GRM7: variants seen among roughly 807,000 people sequenced by gnomAD.
GRM7 encodes metabotropic glutamate receptor 7.
In GRM7, 35 loss-of-function variants were observed where a neutral mutation model predicts 84.5. That is an observed-to-expected ratio of 0.41 (90% CI 0.32 to 0.55). The LOEUF is 0.55. GRM7 is among the 20% of genes least tolerant of loss of function. The pLI, the probability that GRM7 is intolerant of heterozygous loss-of-function variation, is 0.19. For synonymous variants in GRM7, 487 were observed against 455.1 expected, an observed-to-expected ratio of 1.07 and a Z score of -0.89; for missense variants, 1,003 against 1,194.6, an observed-to-expected ratio of 0.84 and a Z score of 2.36.
intron 7 of GRM7, among the ~76,000 whole-genome samples, chr3:7,466,581 C>T (rs1698468457): frequency 1.3e-5 from 2 of 152,154 alleles, no homozygotes; most frequent in Non-Finnish European, 2.9e-5. Flanking sequence ...TTAGGAAGTT[C>T]AGAAATGTTA....
At chr3:7,298,583 G>A in intron 2 of GRM7, 101 bp from the exon 3 acceptor site, 3 of 927,312 alleles carry the variant, frequency 3.2e-6, no homozygotes, top group Non-Finnish European at 5.1e-6. Context: ...AGGAAGTATT[G>A]CATATCCGGG....
intron 1 of GRM7, among the ~76,000 whole-genome samples, chr3:6,866,689 C>A (rs1694948399): frequency 6.6e-6 from 1 of 152,150 alleles, no homozygotes; most frequent in African/African-American, 2.4e-5. Context: ...CAAGCTATAG[C>A]TTTCGTATCT....
intron 1 of GRM7, among the ~76,000 whole-genome samples, chr3:7,105,886 A>G (rs967220459): frequency 1.3e-5 from 2 of 151,928 alleles, no homozygotes; most frequent in African/African-American, 4.8e-5. Context: ...ATGTAGAAAA[A>G]TAATTTAAAT....
At chr3:7,057,206 T>G (rs1299801837) in intron 1 of GRM7, among the ~76,000 whole-genome samples, 2 of 151,978 alleles carry the variant, frequency 1.3e-5, no homozygotes, top group African/African-American at 2.4e-5. Flanking sequence ...GGCTTGTTTC[T>G]GTGCAAATAA....
intron 1 of GRM7, among the ~76,000 whole-genome samples, chr3:7,056,399 G>A (rs140292838): frequency 7.1e-4 from 108 of 152,046 alleles, no homozygotes; most frequent in African/African-American, 2.2e-3. Context: ...GGCCACAGCC[G>A]GGGTTGGCTT....
intron 2 of GRM7, among the ~76,000 whole-genome samples, chr3:7,203,596 T>G (rs973746376): frequency 8.5e-5 from 13 of 152,174 alleles, no homozygotes; most frequent in Admixed American, 8.5e-4. Flanking sequence ...TTCTTTTTTC[T>G]TTGCATAAAT....
chr3:7,462,693 T>C (rs998203750), intron 7 of GRM7, among the ~76,000 whole-genome samples: 2 of 152,170 alleles, frequency 1.3e-5, no homozygotes, highest in Admixed American at 6.5e-5. Context: ...TAGGGAGCCG[T>C]GAAGCCACTA....
intron 2 of GRM7, among the ~76,000 whole-genome samples, chr3:7,250,204 A>T (rs1559527415): frequency 1.3e-5 from 2 of 152,314 alleles, no homozygotes; most frequent in South Asian, 2.1e-4. Flanking sequence ...AATAAAAAAT[A>T]AAAAACCAAA....
intron 1 of GRM7, among the ~76,000 whole-genome samples, chr3:6,887,564 C>G (rs1161013310): frequency 6.6e-6 from 1 of 152,148 alleles, no homozygotes; most frequent in Non-Finnish European, 1.5e-5. Flanking sequence ...ATGAACTCAT[C>G]ATTTTTTATG....
At chr3:6,939,782 A>G (rs1697823988) in intron 1 of GRM7, among the ~76,000 whole-genome samples, 1 of 152,166 alleles carries the variant, frequency 6.6e-6, no homozygotes, top group African/African-American at 2.4e-5. Context: ...TTACCTAATC[A>G]GCAGGCTAAG....
At chr3:7,719,779 A>AACACACACACACACAC (rs71043692) in intron 9 of GRM7, among the ~76,000 whole-genome samples, 87 of 133,538 alleles carry the variant, frequency 6.5e-4, no homozygotes, top group South Asian at 3.2e-3. Context: ...ACCACTGGGC[A>AACACACACACACACAC]ACACACACAC....
intron 7 of GRM7, among the ~76,000 whole-genome samples, chr3:7,471,335 T>C (rs868573203): frequency 6.6e-6 from 1 of 152,132 alleles, no homozygotes; most frequent in African/African-American, 2.4e-5. Flanking sequence ...AGGGCTATGC[T>C]TCTTTCTTTG....
intron 1 of GRM7, among the ~76,000 whole-genome samples, chr3:6,949,214 T>G (rs923043133): frequency 6.6e-6 from 1 of 152,230 alleles, no homozygotes; most frequent in Non-Finnish European, 1.5e-5. Flanking sequence ...TTTCCATGTT[T>G]AATGCTTCCT....
intron 9 of GRM7, among the ~76,000 whole-genome samples, chr3:7,713,591 C>G (rs556086284): frequency 6.6e-6 from 1 of 152,094 alleles, no homozygotes; most frequent in South Asian, 2.1e-4. Context: ...TGAATGAGTT[C>G]TCTGATCAGA....
At chr3:7,697,640 G>A (rs1033133516) in intron 9 of GRM7, among the ~76,000 whole-genome samples, 1 of 152,210 alleles carries the variant, frequency 6.6e-6, no homozygotes, top group Non-Finnish European at 1.5e-5. Flanking sequence ...GTCGCCACTT[G>A]TCACCTTATC....
At chr3:7,695,646 A>G (rs1004306506) in intron 9 of GRM7, among the ~76,000 whole-genome samples, 7 of 152,162 alleles carry the variant, frequency 4.6e-5, no homozygotes, top group African/African-American at 1.7e-4. Context: ...TTCTAAATCC[A>G]ACTTTGTCGT....
chr3:7,659,453 T>G (rs537635247), intron 8 of GRM7, among the ~76,000 whole-genome samples: 1 of 141,946 alleles, frequency 7.0e-6, no homozygotes, highest in African/African-American at 2.5e-5. Context: ...GGTCAGACTA[T>G]TTTAAAGCAA....
intron 8 of GRM7, among the ~76,000 whole-genome samples, chr3:7,620,804 T>C (rs1697323013): frequency 6.6e-6 from 1 of 152,162 alleles, no homozygotes; most frequent in East Asian, 1.9e-4. Context: ...CTCCATCTTC[T>C]TGCCTGTTAC....
At chr3:7,506,859 T>TAGTG (rs1377710716) in intron 7 of GRM7, among the ~76,000 whole-genome samples, 1 of 152,184 alleles carries the variant, frequency 6.6e-6, no homozygotes, top group Non-Finnish European at 1.5e-5. Flanking sequence ...ATTAATCCAT[T>TAGTG]AGTGAGAGAT....
Sources: allele counts gnomAD v4.1 joint callset (sites outside exome capture counted in the v4.1 genomes callset), GRCh38; gene constraint gnomAD v4.1.1; transcripts MANE v1.5; gene names NCBI Gene and HGNC (gene_info 2026-07-23, HGNC 2026-07-21).